The following GPRIN3 variants were observed in gnomAD, a reference collection of about 807,000 sequenced individuals.
GPRIN3 encodes GPRIN family member 3.
Under a neutral mutation model 13.7 loss-of-function variants are expected in GPRIN3, and 12 were observed. The ratio of observed to expected loss-of-function variants is 0.87; its 90% CI spans 0.56 to 1.42. The LOEUF is 1.42. Ranked by LOEUF, GPRIN3 falls within the 40% of genes most tolerant of loss-of-function variation. GPRIN3 has a pLI of 0.00. For missense variants in GPRIN3, 1,009 were observed against 958.7 expected (o/e 1.05, Z -0.69); for synonymous variants, 377 against 372.7 (o/e 1.01, Z -0.13).
chr4:89,289,100 T>C (rs1724501733), intron 1 of GPRIN3, among the ~76,000 whole-genome samples: 1 of 150,728 alleles, frequency 6.6e-6, no homozygotes, highest in Middle Eastern at 3.2e-3. Flanking sequence ...TTACTGAAAA[T>C]TCTCTCCTTC....
intron 1 of GPRIN3, among the ~76,000 whole-genome samples, chr4:89,265,532 A>G (rs766515351): frequency 1.6e-4 from 25 of 152,190 alleles, no homozygotes; most frequent in Admixed American, 1.0e-3. Context: ...TGCTCCTTGG[A>G]TGTTTTCTGG....
chr4:89,282,742 AGTAT>A (rs1191497309), intron 1 of GPRIN3, among the ~76,000 whole-genome samples: 4 of 152,138 alleles, frequency 2.6e-5, no homozygotes, highest in Admixed American at 6.6e-5. Context: ...ACTTGTCAGA[AGTAT>A]GGGATTTTTA....
intron 1 of GPRIN3, among the ~76,000 whole-genome samples, chr4:89,257,395 C>T (rs1578080380): frequency 6.6e-6 from 1 of 152,188 alleles, no homozygotes; most frequent in Admixed American, 6.5e-5. Flanking sequence ...CCTAAATATT[C>T]CCCCTTTTGT....
chr4:89,239,116 T>C lies in GPRIN3; in HGVS notation c.*8664A>G, dbSNP rs1722856606. The C allele has an allele frequency of 6.6e-6, 1 of 152,194 alleles. No individual in the cohort carries two copies. The highest frequency in any genetic ancestry group is 1.5e-5 in the Non-Finnish European group (1 of 68,018). 9.4% of individuals were successfully genotyped at this position (152,194 alleles called of 1,614,324 possible). On this transcript the variant is annotated 3_prime_UTR_variant, in exon 2 of 2. Coordinates refer to ENST00000609438, the MANE Select transcript of GPRIN3 (RefSeq NM_198281.3). ...GGAGGATGAGAACTTTCTGAAATGA[T>C]TTTATGGCCTTTGTAAACATTATAA...
At chr4:89,293,317 A>G (rs980985630) in intron 1 of GPRIN3, among the ~76,000 whole-genome samples, 4 of 152,234 alleles carry the variant, frequency 2.6e-5, no homozygotes, top group Non-Finnish European at 4.4e-5. Flanking sequence ...ACTCATTCCC[A>G]GAATTCCCTT....
intron 1 of GPRIN3, among the ~76,000 whole-genome samples, chr4:89,275,597 C>T (rs1281102017): frequency 6.6e-6 from 1 of 152,184 alleles, no homozygotes; most frequent in African/African-American, 2.4e-5. Flanking sequence ...GGTGCCCTGG[C>T]TAACAAGATA....
In GPRIN3 at chr4:89,257,562, C is replaced by A. The variant is rs1578080556; in HGVS notation, c.-123-7329G>T. ...TCTATAAGGATGGTCTTACTATGTG[C>A]CCTGCTTTGCAGATCTGGAATCTGA... On this transcript the variant is annotated intron_variant, in intron 1 of 1. Transcript: ENST00000609438. Among the ~76,000 whole-genome samples the A allele has an allele frequency of 2.6e-5, 4 of 152,308 alleles. No homozygotes were observed. The South Asian group carries it at 8.3e-4, about 32-fold the overall frequency.
chr4:89,252,956 A>AT (rs887178150), intron 1 of GPRIN3, among the ~76,000 whole-genome samples: 7 of 131,944 alleles, frequency 5.3e-5, no homozygotes, highest in African/African-American at 8.5e-5. Context: ...CTTAAATCCC[A>AT]TTTTTTTTCT....
chr4:89,293,944 T>A (rs1303187980), intron 1 of GPRIN3, among the ~76,000 whole-genome samples: 1 of 152,220 alleles, frequency 6.6e-6, no homozygotes, highest in Non-Finnish European at 1.5e-5. Flanking sequence ...CTTTCTTTTT[T>A]AAAATTTATG....
chr4:89,256,995 G>A lies in GPRIN3; in HGVS notation c.-123-6762C>T, dbSNP rs1723483833. 1.3e-5 allele frequency among the ~76,000 whole-genome samples: 2 copies of A among 152,202 alleles called. 1 individual carries two copies. The highest frequency in any genetic ancestry group is 1.3e-4 in the Admixed American group (2 of 15,280). ...GATTCAATCCTAGGAAACAGCCACAGGCTGGGAAGAGCAGTCCCTTCTTCT... is the reference window on the plus strand; with the variant it reads ...GATTCAATCCTAGGAAACAGCCACAAGCTGGGAAGAGCAGTCCCTTCTTCT... On this transcript the variant is annotated intron_variant, in intron 1 of 1. Transcript: ENST00000609438.
At chr4:89,305,014 G>A (rs770501414) in intron 1 of GPRIN3, among the ~76,000 whole-genome samples, 2 of 152,060 alleles carry the variant, frequency 1.3e-5, no homozygotes, top group Non-Finnish European at 2.9e-5. Flanking sequence ...TGGGTAATCT[G>A]AATACCATAG....
intron 1 of GPRIN3, among the ~76,000 whole-genome samples, chr4:89,255,234 C>T (rs1723435223): frequency 6.6e-6 from 1 of 152,190 alleles, no homozygotes; most frequent in Non-Finnish European, 1.5e-5. Context: ...GGGCAAGTAA[C>T]TCAACCTCTC....
rs1262273532 is a variant in GPRIN3, at chr4:89,246,803, T to G, written c.*977A>C. ...CTAAATTAAACATTGTTTTTGTTACTTATGAGGCTTTTATCATCACAGAAA... is the reference window on the plus strand; with the variant it reads ...CTAAATTAAACATTGTTTTTGTTACGTATGAGGCTTTTATCATCACAGAAA... On this transcript the variant is annotated 3_prime_UTR_variant, in exon 2 of 2. Transcript: ENST00000609438. 1 of 152,150 alleles carries G rather than the reference T, an allele frequency of 6.6e-6. No homozygotes were observed. The highest frequency in any genetic ancestry group is 1.5e-5 in the Non-Finnish European group (1 of 68,024). The allele number at this position is 152,150 out of a possible 1,614,324, so 9.4% of individuals were successfully genotyped here.
rs1194387002 is a variant in GPRIN3, at chr4:89,250,002, G to A, written c.109C>T (p.Pro37Ser). Residue 37 changes from proline to serine, a missense_variant, in exon 2 of 2, where the codon CCA becomes TCA. Physicochemically the swap from Pro to Ser is moderately conservative, Grantham distance 74. Transcript: ENST00000609438. The part of the protein sequence containing the change: ...EPQAASPRHR[P>S]ALLCKNANGF... ...TTGGCATTCTTACACAGGAGAGCTG[G>A]TCGATGCCGAGGTGAGGCAGCCTGT... is the stretch of plus-strand genomic sequence containing the variant. 3.1e-6 allele frequency: 5 copies of A among 1,614,112 alleles called. No homozygotes were observed. The African/African-American group carries it at 6.7e-5, about 22-fold the overall frequency.
chr4:89,267,408 C>T (rs1005189128), intron 1 of GPRIN3, among the ~76,000 whole-genome samples: 2 of 152,114 alleles, frequency 1.3e-5, no homozygotes, highest in African/African-American at 4.8e-5. Flanking sequence ...TATAATTAGG[C>T]TGTACTAGAT....
chr4:89,292,385 T>C (rs1013955702), intron 1 of GPRIN3, among the ~76,000 whole-genome samples: 1 of 152,250 alleles, frequency 6.6e-6, no homozygotes, highest in Non-Finnish European at 1.5e-5. Context: ...CTTGTGCTTA[T>C]ACAAAAGACA....
Position 89,248,860 on chromosome 4 carries a change from G to A in GPRIN3, c.1251C>T (p.Val417=). 1 of 1,614,140 alleles carries A rather than the reference G, an allele frequency of 6.2e-7. No individual in the cohort carries two copies. The highest frequency in any genetic ancestry group is 2.2e-5 in the East Asian group (1 of 44,868). Reference sequence around the variant, plus strand: ...CCAAATTGATTGATGAGGTTTTAAGGACCCCACCTGGTAGGCTCGCAAGTT... The same window carrying A: ...CCAAATTGATTGATGAGGTTTTAAGAACCCCACCTGGTAGGCTCGCAAGTT... The part of the protein sequence containing the change: ...ENKLASLPGG[V]LKTSSINLVS... The change falls in exon 2 of 2, where the codon GTC becomes GTT. Residue 417 remains valine, a synonymous_variant. Coordinates refer to ENST00000609438, the MANE Select transcript of GPRIN3 (RefSeq NM_198281.3).
chr4:89,297,099 G>C (rs775528036), intron 1 of GPRIN3, among the ~76,000 whole-genome samples: 1 of 152,156 alleles, frequency 6.6e-6, no homozygotes, highest in Non-Finnish European at 1.5e-5. Context: ...ACCATCTGTG[G>C]GACTTTGGGC....
chr4:89,268,972 T>C (rs1031987366), intron 1 of GPRIN3, among the ~76,000 whole-genome samples: 2 of 152,138 alleles, frequency 1.3e-5, no homozygotes, highest in African/African-American at 4.8e-5. Flanking sequence ...TAAGATAAAC[T>C]TTAAGAATAA....
Sources: gnomAD v4.1 joint callset for allele counts (sites outside exome capture counted in the v4.1 genomes callset) on GRCh38, gnomAD v4.1.1 for gene constraint, MANE v1.5 for transcripts, NCBI Gene and HGNC (gene_info 2026-07-23, HGNC 2026-07-21) for gene names.